Variants in TCF20 observed in about 807,000 individuals in gnomAD.
TCF20 encodes transcription factor 20.
Under a neutral mutation model 148.6 loss-of-function variants are expected in TCF20, and 3 were observed. The ratio of observed to expected loss-of-function variants is 0.02; its 90% confidence interval spans 0.01 to 0.05. The LOEUF (loss-of-function observed/expected upper bound fraction) is 0.05, where lower values mean the gene tolerates loss of function less well. TCF20 is among the 10% of genes least tolerant of loss of function. The pLI is 1.00. For synonymous variants in TCF20, 1,049 were observed against 909.5 expected, an observed-to-expected ratio of 1.15 and a Z score of -2.76; for missense variants, 2,350 against 2,429.3, an observed-to-expected ratio of 0.97 and a Z score of 0.69.
At chr22:42,163,913 G>C (rs1311750861) in intron 5 of TCF20, among the ~76,000 whole-genome samples, 3 of 152,178 alleles carry the variant, frequency 2.0e-5, no homozygotes, top group South Asian at 2.1e-4. Flanking sequence ...CGCTCACACT[G>C]TCCTTTCTGC....
intron 1 of TCF20, among the ~76,000 whole-genome samples, chr22:42,309,992 G>A (rs1601702004): frequency 6.6e-6 from 1 of 152,242 alleles, no homozygotes; most frequent in East Asian, 1.9e-4. Context: ...CCTGCACAGG[G>A]CCTGGTGCCC....
chr22:42,333,853 C>T (rs1483612624), intron 1 of TCF20, among the ~76,000 whole-genome samples: 5 of 152,186 alleles, frequency 3.3e-5, no homozygotes, highest in Non-Finnish European at 5.9e-5. Flanking sequence ...GGAGGAGCAC[C>T]GGCCCACCAC....
intron 1 of TCF20, among the ~76,000 whole-genome samples, chr22:42,237,786 T>C (rs1288482508): frequency 6.6e-6 from 1 of 152,212 alleles, no homozygotes; most frequent in African/African-American, 2.4e-5. Context: ...AGGTATACTG[T>C]CAAGAAGTAA....
intron 2 of TCF20, among the ~76,000 whole-genome samples, chr22:42,209,041 A>G (rs528159383): frequency 1.4e-4 from 22 of 152,302 alleles, no homozygotes; most frequent in African/African-American, 5.1e-4. Context: ...ACTGGAAGCT[A>G]GTGGACAAAC....
chr22:42,307,912 C>T (rs1222413547), intron 1 of TCF20, among the ~76,000 whole-genome samples: 3 of 152,198 alleles, frequency 2.0e-5, no homozygotes, highest in Non-Finnish European at 4.4e-5. Context: ...AGACGAACTT[C>T]GAGGCACTGC....
chr22:42,231,143 C>T (rs1428102100), intron 1 of TCF20, among the ~76,000 whole-genome samples: 1 of 152,028 alleles, frequency 6.6e-6, no homozygotes, highest in Non-Finnish European at 1.5e-5. Context: ...ACCTGGGCGA[C>T]ACAGCAAGAC....
chr22:42,237,639 T>G (rs543580741), intron 1 of TCF20, among the ~76,000 whole-genome samples: 7 of 152,246 alleles, frequency 4.6e-5, no homozygotes, highest in Non-Finnish European at 8.8e-5. Context: ...TAGAGCCTTA[T>G]GAAACATATT....
intron 1 of TCF20, among the ~76,000 whole-genome samples, chr22:42,281,963 CGTCT>C (rs1370906667): frequency 2.0e-5 from 3 of 152,226 alleles, no homozygotes; most frequent in African/African-American, 4.8e-5. Flanking sequence ...GACAGACCCA[CGTCT>C]GTGTGGTCAG....
intron 3 of TCF20, 79 bp from the exon 4 acceptor site, chr22:42,169,975 G>C: frequency 6.8e-7 from 1 of 1,462,660 alleles, no homozygotes; most frequent in South Asian, 1.2e-5. Flanking sequence ...GGATTGACAG[G>C]GTCAGACATA....
chr22:42,198,863 C>T (rs1362766866), intron 2 of TCF20, among the ~76,000 whole-genome samples: 1 of 152,146 alleles, frequency 6.6e-6, no homozygotes, highest in Non-Finnish European at 1.5e-5. Context: ...CAGGGTTTCA[C>T]TGTGTTGGCC....
chr22:42,257,269 T>C (rs1925795135), intron 1 of TCF20, among the ~76,000 whole-genome samples: 1 of 152,240 alleles, frequency 6.6e-6, no homozygotes, highest in South Asian at 2.1e-4. Context: ...CCCTGTCTGC[T>C]ATGGTTTTCC....
At position 42,263,315 on chromosome 22, in the gene TCF20, G is replaced by A. The variant is rs192917305; in HGVS notation, c.-37+7024C>T. On this transcript the variant is annotated intron_variant, in intron 1 of 5. Coordinates refer to ENST00000677622, the MANE Select transcript of TCF20 (RefSeq NM_001378418.1). Reference sequence around the variant, plus strand: ...ATTGGTCTCCCACAGCACTAAGTCAGGGAAACGCCCAGAGAAGTACCCCTG... The same window carrying A: ...ATTGGTCTCCCACAGCACTAAGTCAAGGAAACGCCCAGAGAAGTACCCCTG... 3.3e-5 allele frequency among the ~76,000 whole-genome samples: 5 copies of A among 152,268 alleles called. No homozygotes were observed. The East Asian group carries it at 9.6e-4, about 29-fold the overall frequency.
At position 42,338,603 on chromosome 22, in the gene TCF20, A is replaced by G. The variant is rs970287644; in HGVS notation, c.-37+4876T>C. ...GGCGAGAGGCTTAATGAAACTGCTAACGCGTTAGTGATTCCTGCCTGCTCG... is the reference window on the plus strand; with the variant it reads ...GGCGAGAGGCTTAATGAAACTGCTAGCGCGTTAGTGATTCCTGCCTGCTCG... On this transcript the variant is annotated intron_variant, in intron 1 of 1. Coordinates refer to the TCF20 transcript ENST00000515426. This position sits in a 1 kb window ranked among gnomAD's most constrained non-coding sequence, Gnocchi z 4.0. Among the ~76,000 whole-genome samples the G allele has an allele frequency of 1.3e-5, 2 of 152,194 alleles. No homozygotes were observed. The highest frequency in any genetic ancestry group is 4.8e-5 in the African/African-American group (2 of 41,446).
At chr22:42,197,247 A>T (rs535433730) in intron 2 of TCF20, among the ~76,000 whole-genome samples, 1 of 151,972 alleles carries the variant, frequency 6.6e-6, no homozygotes, top group African/African-American at 2.4e-5. Flanking sequence ...TCCACCAAGG[A>T]GGCTACTTGA....
At position 42,222,043 on chromosome 22, in the gene TCF20, T is replaced by C. The variant is rs144733369; in HGVS notation, c.-36-6702A>G. On this transcript the variant is annotated intron_variant, in intron 1 of 5. Transcript: ENST00000677622. ...ATGAGCCACCGCGCCCGGCCCCATA[T>C]GGCAAAGGTTTTAATGACCATGCAG... Among the ~76,000 whole-genome samples, 381 of 152,240 alleles carry C rather than the reference T, an allele frequency of 2.5e-3. 2 individuals carry two copies. The highest frequency in any genetic ancestry group is 0.01 in the Middle Eastern group (3 of 294).
chr22:42,295,590 G>C (rs773812002), intron 1 of TCF20, among the ~76,000 whole-genome samples: 2 of 151,932 alleles, frequency 1.3e-5, no homozygotes, highest in Admixed American at 1.3e-4. Flanking sequence ...ATTACAGGCA[G>C]GCACCACCAC....
intron 1 of TCF20, among the ~76,000 whole-genome samples, chr22:42,294,029 A>C (rs1927181154): frequency 6.6e-6 from 1 of 152,182 alleles, no homozygotes; most frequent in Non-Finnish European, 1.5e-5. Context: ...CCATGTCTCC[A>C]TTTGGGCTCT....
chr22:42,328,909 C>T (rs1927921288), intron 1 of TCF20, among the ~76,000 whole-genome samples: 1 of 152,226 alleles, frequency 6.6e-6, no homozygotes, highest in Non-Finnish European at 1.5e-5. Context: ...GTGCTCTCTC[C>T]AGCCTCGTGC....
At chr22:42,282,480 C>T (rs1415241956) in intron 1 of TCF20, among the ~76,000 whole-genome samples, 1 of 152,240 alleles carries the variant, frequency 6.6e-6, no homozygotes, top group African/African-American at 2.4e-5. Context: ...GAGCTGTTTG[C>T]CAACCTCCAG....
Sources: allele counts gnomAD v4.1 joint callset (sites outside exome capture counted in the v4.1 genomes callset), GRCh38; gene constraint gnomAD v4.1.1; non-coding constraint Gnocchi (gnomAD v3.1); transcripts MANE v1.5; gene names NCBI Gene and HGNC (gene_info 2026-07-23, HGNC 2026-07-21).